Variants in DNAH11 observed in about 807,000 individuals in gnomAD.
DNAH11 encodes dynein axonemal heavy chain 11.
DNAH11 carries 442 observed loss-of-function variants against 526.0 expected under a neutral mutation model. The ratio of observed to expected loss-of-function variants is 0.84; its 90% CI spans 0.78 to 0.91. The LOEUF (loss-of-function observed/expected upper bound fraction) is 0.91. Ranked by LOEUF, DNAH11 falls within the 40% of genes least tolerant of loss-of-function variation. The pLI, the probability that DNAH11 is intolerant of heterozygous loss-of-function variation, is 0.00. For missense variants in DNAH11, 6,989 were observed against 5,448.7 expected, an observed-to-expected ratio of 1.28 and a Z score of -8.90; for synonymous variants, 2,461 against 1,935.9, an observed-to-expected ratio of 1.27 and a Z score of -7.12.
chr7:21,629,724 T>C (rs1786513047), intron 25 of DNAH11, among the ~76,000 whole-genome samples: 1 of 152,164 alleles, frequency 6.6e-6, no homozygotes. Context: ...TTTTATCTGA[T>C]CTAAGTATAG....
At position 21,591,308 on chromosome 7, in the gene DNAH11, A is replaced by G. The variant is rs1784673101; in HGVS notation, c.2398A>G (p.Thr800Ala). 6.2e-7 allele frequency: 1 copy of G among 1,613,924 alleles called. No homozygotes were observed. The highest frequency in any genetic ancestry group is 8.5e-7 in the Non-Finnish European group (1 of 1,179,834). ...TATTGACGAGCAGCTGACAGCAGCC[A>G]CAACGTGGCTGACATGGCAGGATGA... ...RAIDEQLTAATTWLTWQDDCW... is the reference protein window; with the variant it reads ...RAIDEQLTAAATWLTWQDDCW... The change falls in exon 14 of 82, where the codon ACA (threonine) becomes GCA (alanine). Residue 800 changes from threonine to alanine, a missense_variant. Physicochemically the swap from Thr to Ala is moderately conservative, Grantham distance 58 (BLOSUM62 0). Coordinates refer to ENST00000409508, the MANE Select transcript of DNAH11 (RefSeq NM_001277115.2).
chr7:21,661,875 A>G (rs1338553966), intron 30 of DNAH11, among the ~76,000 whole-genome samples: 1 of 151,996 alleles, frequency 6.6e-6, no homozygotes, highest in African/African-American at 2.4e-5. Flanking sequence ...TCTGGAGTGC[A>G]ATGGCACAAT....
At chr7:21,636,302 A>G (rs1786861173) in intron 26 of DNAH11, among the ~76,000 whole-genome samples, 1 of 152,350 alleles carries the variant, frequency 6.6e-6, no homozygotes, top group Non-Finnish European at 1.5e-5. Flanking sequence ...CCATTACAAC[A>G]TGAAAGAAGA....
chr7:21,640,949 G>A (rs752265437), intron 28 of DNAH11, among the ~76,000 whole-genome samples: 3 of 152,090 alleles, frequency 2.0e-5, no homozygotes, highest in Admixed American at 6.5e-5. Flanking sequence ...CCTCACCAGT[G>A]GTGACTGTCC....
At chr7:21,836,233 A>G (rs1443783518) in intron 65 of DNAH11, among the ~76,000 whole-genome samples, 3 of 152,186 alleles carry the variant, frequency 2.0e-5, no homozygotes, top group African/African-American at 7.2e-5. Context: ...CATTCTTCAC[A>G]GAAATAGATA....
At chr7:21,728,318 T>A (rs867910564) in intron 45 of DNAH11, among the ~76,000 whole-genome samples, 1 of 140,956 alleles carries the variant, frequency 7.1e-6, no homozygotes, top group Non-Finnish European at 1.5e-5. Flanking sequence ...AGTGCAGTGG[T>A]GCAATCTTGG....
intron 5 of DNAH11, among the ~76,000 whole-genome samples, chr7:21,561,643 C>A (rs1365857407): frequency 6.6e-6 from 1 of 152,046 alleles, no homozygotes; most frequent in Non-Finnish European, 1.5e-5. Flanking sequence ...TTTGAATAGA[C>A]AATGCATGCA....
chr7:21,832,266 C>T (rs1466961114), intron 65 of DNAH11, among the ~76,000 whole-genome samples: 3 of 152,170 alleles, frequency 2.0e-5, no homozygotes, highest in African/African-American at 7.2e-5. Flanking sequence ...GCAGTTTCTT[C>T]ATATGTCGAC....
At chr7:21,582,055 T>A in intron 9 of DNAH11, 34 bp downstream of exon 9, 1 of 1,372,412 alleles carries the variant, frequency 7.3e-7, no homozygotes. Context: ...AAAAAACGTT[T>A]ACTATGAATA....
chr7:21,758,879 C>T (rs1786757181), intron 54 of DNAH11, among the ~76,000 whole-genome samples: 1 of 152,186 alleles, frequency 6.6e-6, no homozygotes, highest in Admixed American at 6.5e-5. Flanking sequence ...TGCAATGGTG[C>T]ATGTGTGTAG....
chr7:21,665,521 G>A (rs943005738), intron 30 of DNAH11, among the ~76,000 whole-genome samples: 2 of 152,006 alleles, frequency 1.3e-5, no homozygotes, highest in Admixed American at 1.3e-4. Context: ...TCCTTCCCCT[G>A]TCAACAACAT....
chr7:21,599,976 C>T lies in DNAH11; in HGVS notation c.2857C>T (p.Pro953Ser). The change falls in exon 15 of 82, where the codon CCT (proline) becomes TCT (serine). Residue 953 changes from proline to serine, a missense_variant. Transcript: ENST00000409508. Reference sequence around the variant, plus strand: ...TCAAGCACAAATGATCTTGTTGCCTCCTGAGATTGTGTTTAAACCTTCCCT... The same window carrying T: ...TCAAGCACAAATGATCTTGTTGCCTTCTGAGATTGTGTTTAAACCTTCCCT... ...FFQAQMILLP[P>S]EIVFKPSLDR... 2 of 1,613,446 alleles carry T rather than the reference C, an allele frequency of 1.2e-6. No homozygotes were observed. Among genetic ancestry groups the T allele is most frequent in the Non-Finnish European group, 1.7e-6 (2 of 1,179,710 alleles).
At chr7:21,884,531 T>G (rs1784050494) in intron 76 of DNAH11, 121 bp downstream of exon 76, 1 of 1,132,684 alleles carries the variant, frequency 8.8e-7, no homozygotes, top group African/African-American at 1.6e-5. Context: ...CTTGGCCTTT[T>G]GGGAAATTTC....
intron 36 of DNAH11, among the ~76,000 whole-genome samples, chr7:21,698,607 G>C (rs1158449406): frequency 2.6e-5 from 4 of 152,090 alleles, no homozygotes; most frequent in African/African-American, 9.7e-5. Context: ...CTAGAATAAT[G>C]GTCTCCACCT....
intron 7 of DNAH11, among the ~76,000 whole-genome samples, chr7:21,571,560 G>T (rs1399898557): frequency 6.6e-6 from 1 of 152,152 alleles, no homozygotes; most frequent in Admixed American, 6.5e-5. Flanking sequence ...TATTACAAGC[G>T]TGAGCCCTGT....
In DNAH11 at chr7:21,801,190, T is replaced by C; in HGVS notation, c.10080T>C (p.Ala3360=). ...CGGCTTCATTTGAAAAAGCAACAGC[T>C]GAGAAAGTCCGGTGTCAAGAAGAGG... is the stretch of plus-strand genomic sequence containing the variant. ...RLTASFEKAT[A]EKVRCQEEVN... The change falls in exon 62 of 82, where the codon GCT becomes GCC. Residue 3360 remains alanine, a synonymous_variant. Transcript: ENST00000409508. The C allele has an allele frequency of 6.2e-7, 1 of 1,613,202 alleles. No individual in the cohort carries two copies. The highest frequency in any genetic ancestry group is 1.7e-5 in the Admixed American group (1 of 59,930).
At chr7:21,752,841 T>A in intron 54 of DNAH11, among the ~76,000 whole-genome samples, 1 of 152,108 alleles carries the variant, frequency 6.6e-6, no homozygotes, top group Non-Finnish European at 1.5e-5. Context: ...GCCTCCTGAG[T>A]AGCTGGGATT....
chr7:21,615,062 G>A, intron 20 of DNAH11, 52 bp from the exon 21 acceptor site: 1 of 1,537,212 alleles, frequency 6.5e-7, no homozygotes, highest in African/African-American at 1.4e-5. Flanking sequence ...AGAACTGCAT[G>A]TCTTCTCTTT....
At chr7:21,721,489 T>A (rs1313457448) in intron 44 of DNAH11, among the ~76,000 whole-genome samples, 1 of 152,186 alleles carries the variant, frequency 6.6e-6, no homozygotes, top group African/African-American at 2.4e-5. Flanking sequence ...GAAATTTATT[T>A]CTCACAGTTC....
Sources: gnomAD v4.1 joint callset for allele counts (sites outside exome capture counted in the v4.1 genomes callset) on GRCh38, gnomAD v4.1.1 for gene constraint, MANE v1.5 for transcripts, NCBI Gene and HGNC (gene_info 2026-07-23, HGNC 2026-07-21) for gene names.